Variants in PRDM2 observed in about 807,000 individuals in gnomAD.
PRDM2 encodes PR/SET domain 2.
A neutral mutation model predicts 130.0 loss-of-function variants in PRDM2; 30 were observed. The ratio of observed to expected loss-of-function variants is 0.23; its 90% CI spans 0.17 to 0.31. The LOEUF is 0.31. Ranked by LOEUF, PRDM2 falls within the 10% of genes least tolerant of loss-of-function variation. The probability of loss-of-function intolerance (pLI) is 1.00; values close to 1 mark genes in which losing one functional copy is unlikely to be tolerated. For missense variants in PRDM2, 2,011 were observed against 2,108.4 expected, an observed-to-expected ratio of 0.95 and a Z score of 0.90; for synonymous variants, 871 against 782.4, an observed-to-expected ratio of 1.11 and a Z score of -1.89.
rs1643742792 is a variant in PRDM2 at position 13,749,553 on chromosome 1, C to T, written c.511+66C>T. 7 of 1,075,846 alleles carry T rather than the reference C, an allele frequency of 6.5e-6. 1 individual carries two copies. In the Middle Eastern group the frequency reaches 3.2e-3, roughly 484 times the overall value. The allele number at this position is 1,075,846 out of a possible 1,614,324, so 66.6% of individuals were successfully genotyped here. A position where few individuals can be genotyped will look rare whatever the true frequency, so the allele number is the denominator to read the frequency against. On this transcript the variant is annotated intron_variant, in intron 6 of 9. Coordinates refer to ENST00000311066, the MANE Select transcript of PRDM2 (RefSeq NM_001393986.1). ...GCCCGCCCAGGACGCCGCCCTGCCG[C>T]CCTCGCTGCTGCTGGCCCGACCGCG...
chr1:13,723,899 A>T (rs1642818790), intron 2 of PRDM2, among the ~76,000 whole-genome samples: 1 of 152,206 alleles, frequency 6.6e-6, no homozygotes. Context: ...GAGGCGAGTA[A>T]GCACAGCCTG....
At chr1:13,800,806 T>C (rs1237542867) in intron 8 of PRDM2, among the ~76,000 whole-genome samples, 1 of 149,784 alleles carries the variant, frequency 6.7e-6, no homozygotes, top group African/African-American at 2.5e-5. Flanking sequence ...TTGGGGGGGG[T>C]CTCCTCTCAT....
chr1:13,741,437 C>G (rs958277655), intron 4 of PRDM2, among the ~76,000 whole-genome samples: 4 of 152,144 alleles, frequency 2.6e-5, no homozygotes, highest in African/African-American at 4.8e-5. Flanking sequence ...AGCATCATAT[C>G]CTGTCACCCA....
chr1:13,735,306 G>A (rs895656019), intron 4 of PRDM2, among the ~76,000 whole-genome samples: 1 of 152,220 alleles, frequency 6.6e-6, no homozygotes, highest in Non-Finnish European at 1.5e-5. Flanking sequence ...CAAGAAGAGA[G>A]CGTTCTTCGA....
At position 13,796,777 on chromosome 1, in the gene PRDM2, A is replaced by G. The variant is rs143114337; in HGVS notation, c.5036+13946A>G. The stretch of plus-strand genomic sequence containing the variant: ...CAAGAAAGCCAAAAACCAAAACACA[A>G]TAGACTTTGGCTCTTGGTTCTGTGC... On this transcript the variant is annotated intron_variant, in intron 8 of 9. Transcript: ENST00000311066. Among the ~76,000 whole-genome samples, 3 of 152,296 alleles carry G rather than the reference A, an allele frequency of 2.0e-5. No individual in the cohort carries two copies. In the East Asian group the frequency reaches 5.8e-4, roughly 29 times the overall value.
chr1:13,787,452 G>A (rs1036552066), intron 8 of PRDM2: 2 of 985,126 alleles, frequency 2.0e-6, no homozygotes, highest in African/African-American at 3.5e-5. Flanking sequence ...AAAGCGGCTA[G>A]GTTTTATTCA....
Position 13,738,544 on chromosome 1 carries a change from G to A in PRDM2, c.232-3461G>A, listed in dbSNP as rs555511340. 7.6e-4 allele frequency among the ~76,000 whole-genome samples: 115 copies of A among 152,312 alleles called. 1 individual carries two copies. The highest frequency in any genetic ancestry group is 2.7e-3 in the African/African-American group (111 of 41,552). On this transcript the variant is annotated intron_variant, in intron 4 of 9. Coordinates refer to ENST00000311066, the MANE Select transcript of PRDM2 (RefSeq NM_001393986.1). The stretch of plus-strand genomic sequence containing the variant: ...TCTAATTTTAAGAGAGGGTCTGTTA[G>A]TGCGGCTTCAAGGGCTCGAGAGGCC...
intron 6 of PRDM2, among the ~76,000 whole-genome samples, chr1:13,769,505 C>T (rs1037854857): frequency 6.6e-5 from 10 of 152,136 alleles, no homozygotes; most frequent in African/African-American, 2.2e-4. Context: ...TCACTTTCTC[C>T]CACAAAATTG....
chr1:13,821,088 GCA>G (rs1645343381), intron 9 of PRDM2, among the ~76,000 whole-genome samples: 2 of 151,994 alleles, frequency 1.3e-5, no homozygotes, highest in East Asian at 1.9e-4. Context: ...GTGGTTAGGT[GCA>G]CAGTGTCTGG....
chr1:13,717,414 G>A (rs1160573778), intron 2 of PRDM2: 6 of 985,224 alleles, frequency 6.1e-6, no homozygotes, highest in Admixed American at 6.1e-5. Context: ...TTGATCCTGC[G>A]TTAGAATGGT....
intron 1 of PRDM2, among the ~76,000 whole-genome samples, chr1:13,707,306 T>C (rs1022318635): frequency 4.6e-5 from 7 of 151,138 alleles, no homozygotes; most frequent in African/African-American, 1.7e-4. Flanking sequence ...AATTCACAAA[T>C]CTTTTGCAGG....
chr1:13,714,880 A>G (rs1280668373), intron 1 of PRDM2, among the ~76,000 whole-genome samples: 1 of 152,216 alleles, frequency 6.6e-6, no homozygotes, highest in African/African-American at 2.4e-5. Flanking sequence ...AGAAAGGACC[A>G]TTTTCAGAGA....
intron 7 of PRDM2, chr1:13,773,519 CCGG>C (rs1644402475): frequency 6.0e-6 from 1 of 167,830 alleles, no homozygotes; most frequent in South Asian, 2.0e-4. Flanking sequence ...TGAGGCCAGC[CCGG>C]GCAACATAGT....
intron 6 of PRDM2, among the ~76,000 whole-genome samples, chr1:13,752,252 C>T (rs1469120507): frequency 6.6e-6 from 1 of 152,156 alleles, no homozygotes; most frequent in Non-Finnish European, 1.5e-5. Flanking sequence ...TTGTCTGCGA[C>T]CTTGGAGCGT....
intron 8 of PRDM2, 148 bp downstream of exon 8, chr1:13,782,979 A>G: frequency 6.7e-7 from 1 of 1,501,160 alleles, no homozygotes; most frequent in South Asian, 1.2e-5. Context: ...ATGAAGGGTC[A>G]TTGCTTTGGC....
chr1:13,749,511 C>T (rs1643739639), intron 6 of PRDM2, 24 bp downstream of exon 6: 2 of 1,302,030 alleles, frequency 1.5e-6, no homozygotes, highest in East Asian at 5.2e-5. Flanking sequence ...GGCCCGCCCG[C>T]CCGGCCCCGG....
intron 5 of PRDM2, among the ~76,000 whole-genome samples, chr1:13,745,412 G>A (rs900865224): frequency 6.6e-6 from 1 of 151,780 alleles, no homozygotes; most frequent in African/African-American, 2.4e-5. Flanking sequence ...CTTGGAGTAG[G>A]AATAAGCTAA....
chr1:13,746,543 T>G lies in PRDM2; in HGVS notation c.385-2818T>G, dbSNP rs1643613455. ...TACTACTTGTTTTTATTTATTTATT[T>G]ATTTATTTATTTATTTATTTATTTA... On this transcript the variant is annotated intron_variant, in intron 5 of 9. Coordinates refer to ENST00000311066, the MANE Select transcript of PRDM2 (RefSeq NM_001393986.1). Among the ~76,000 whole-genome samples, 5 of 150,412 alleles carry G rather than the reference T, an allele frequency of 3.3e-5. No homozygotes were observed. The South Asian group carries it at 1.0e-3, about 31-fold the overall frequency.
rs772579215 is a variant in PRDM2, at chr1:13,781,067, T to C, written c.3272T>C (p.Leu1091Pro). Residue 1091 changes from leucine (L) to proline (P), a missense_variant, in exon 8 of 10, where the codon CTG becomes CCG. Around this residue, in one of 5 missense-constraint regions of PRDM2, gnomAD observed 1,288 missense variants for 1,237.7 expected, o/e 1.04. Transcript: ENST00000311066. The surrounding 1 kb of genome is among the most constrained non-coding windows in gnomAD (Gnocchi z 6.1). ...TCTGTTGTTTCCTCTGGTGATAATC[T>C]GGAGGCTTCTCTCCCCATGATATCT... ...ISSVVSSGDN[L>P]EASLPMISFK... The C allele has an allele frequency of 1.9e-6, 3 of 1,613,314 alleles. No individual in the cohort carries two copies. The highest frequency in any genetic ancestry group is 2.5e-6 in the Non-Finnish European group (3 of 1,179,256).
Sources: gnomAD v4.1 joint callset for allele counts (sites outside exome capture counted in the v4.1 genomes callset) on GRCh38, gnomAD v4.1.1 for gene constraint, gnomAD v4.1.1 regional missense constraint, Gnocchi (gnomAD v3.1) non-coding constraint, MANE v1.5 for transcripts, NCBI Gene and HGNC (gene_info 2026-07-23, HGNC 2026-07-21) for gene names.